MIX23: variants seen among roughly 807,000 people sequenced by gnomAD.
The protein encoded by MIX23 is mitochondrial matrix import factor 23.
In MIX23, 13 loss-of-function variants were observed where a neutral mutation model predicts 21.6. The ratio of observed to expected loss-of-function variants is 0.60; its 90% CI spans 0.39 to 0.96. The LOEUF (loss-of-function observed/expected upper bound fraction) is 0.96. MIX23 is among the 40% of genes least tolerant of loss of function. MIX23 has a pLI of 0.00. For synonymous variants in MIX23, 59 were observed against 58.0 expected, an observed-to-expected ratio of 1.02 and a Z score of -0.08; for missense variants, 144 against 171.2, an observed-to-expected ratio of 0.84 and a Z score of 0.89.
At chr3:122,372,927 T>C (rs922721271) in intron 1 of MIX23, 1 of 355,592 alleles carries the variant, frequency 2.8e-6, no homozygotes, top group African/African-American at 2.2e-5. Flanking sequence ...AATATTAATA[T>C]GTATTAAAAG....
At chr3:122,381,483 C>T (rs1477906484) in intron 1 of MIX23, among the ~76,000 whole-genome samples, 1 of 152,080 alleles carries the variant, frequency 6.6e-6, no homozygotes, top group Non-Finnish European at 1.5e-5. Flanking sequence ...CCCAGCATTT[C>T]GGAAGGCTGA....
At chr3:122,381,059 C>T (rs9863712) in intron 1 of MIX23, among the ~76,000 whole-genome samples, 19,108 of 152,214 alleles carry the variant, frequency 0.13, 1,387 homozygotes, top group East Asian at 0.32. Context: ...TTTCTATTTC[C>T]TTTAAATACA....
At chr3:122,364,605 C>T (rs912872498) in intron 3 of MIX23, among the ~76,000 whole-genome samples, 3 of 152,142 alleles carry the variant, frequency 2.0e-5, no homozygotes, top group Admixed American at 2.0e-4. Context: ...TGAAAATCTT[C>T]GAACATTAGA....
intron 1 of MIX23, among the ~76,000 whole-genome samples, chr3:122,375,019 T>C (rs753524228): frequency 3.3e-5 from 5 of 151,982 alleles, no homozygotes; most frequent in Non-Finnish European, 7.4e-5. Context: ...ATCCCAGCAA[T>C]TTGAGAGGCT....
Position 122,359,875 on chromosome 3 carries a change from A to C in MIX23, c.429T>G (p.Asn143Lys). 7.4e-7 allele frequency: 1 copy of C among 1,349,418 alleles called. No individual in the cohort carries two copies. The highest frequency in any genetic ancestry group is 1.0e-6 in the Non-Finnish European group (1 of 989,698). The allele number at this position is 1,349,418 out of a possible 1,614,324, so 83.6% of individuals were successfully genotyped here. A position where few individuals can be genotyped will look rare whatever the true frequency, so the allele number is the denominator to read the frequency against. ...RCRIHFKPPK[N>K]E ...AAAAAAAAAGAATCTCTCTTTATTC[A>C]TTCTTTGGAGGCTTGAAGTGAATTC... Residue 143 changes from asparagine (N) to lysine (K), a missense_variant, in exon 5 of 5, where the codon AAT becomes AAG. Transcript: ENST00000291458.
intron 1 of MIX23, among the ~76,000 whole-genome samples, chr3:122,380,385 C>T (rs2075521521): frequency 6.6e-6 from 1 of 152,152 alleles, no homozygotes; most frequent in Non-Finnish European, 1.5e-5. Context: ...TCTACAACTG[C>T]CAGAGTCCTC....
Position 122,359,746 on chromosome 3 carries a change from T to C in MIX23, c.*123A>G, listed in dbSNP as rs985799460. 22 of 999,086 alleles carry C rather than the reference T, an allele frequency of 2.2e-5. No homozygotes were observed. The African/African-American group carries it at 2.8e-4, about 13-fold the overall frequency. 61.9% of individuals were successfully genotyped at this position (999,086 alleles called of 1,614,324 possible). A position where few individuals can be genotyped will look rare whatever the true frequency, so the allele number is the denominator to read the frequency against. Reference sequence around the variant, plus strand: ...TGGGGCTGAAATCAACAAAAGGTCTTGGACTGTTGGCTCAGAAATCATCCT... The same window carrying C: ...TGGGGCTGAAATCAACAAAAGGTCTCGGACTGTTGGCTCAGAAATCATCCT... On this transcript the variant is annotated 3_prime_UTR_variant, in exon 5 of 5. Coordinates refer to ENST00000291458, the MANE Select transcript of MIX23 (RefSeq NM_001017928.4).
chr3:122,361,756 A>G (rs1210118405), intron 4 of MIX23, among the ~76,000 whole-genome samples: 1 of 152,210 alleles, frequency 6.6e-6, no homozygotes, highest in Non-Finnish European at 1.5e-5. Flanking sequence ...CTCAAGTGAC[A>G]GACACCTTAT....
rs527562300 is a variant in MIX23 at position 122,359,830 on chromosome 3, T to TA, written c.*38dup. Reference sequence around the variant, plus strand: ...AGCTCTTATGAGATGACCCAGTCCTTAAAAAAAAAAAAAAAAAAAAAAAAA... The same window carrying TA: ...AGCTCTTATGAGATGACCCAGTCCTTAAAAAAAAAAAAAAAAAAAAAAAAAA... On this transcript the variant is annotated 3_prime_UTR_variant, in exon 5 of 5. Coordinates refer to ENST00000291458, the MANE Select transcript of MIX23 (RefSeq NM_001017928.4). The TA allele has an allele frequency of 0.056, 55,273 of 995,200 alleles. 6,012 individuals carry two copies. The highest frequency in any genetic ancestry group is 0.17 in the African/African-American group (5,106 of 30,464). 61.6% of individuals were successfully genotyped at this position (995,200 alleles called of 1,614,324 possible). A position where few individuals can be genotyped will look rare whatever the true frequency, so the allele number is the denominator to read the frequency against.
intron 1 of MIX23, among the ~76,000 whole-genome samples, chr3:122,376,929 A>G (rs1053121357): frequency 1.4e-4 from 22 of 152,076 alleles, no homozygotes; most frequent in Admixed American, 1.2e-3. Flanking sequence ...TCACACCTGT[A>G]ATCCCAGCAC....
intron 1 of MIX23, among the ~76,000 whole-genome samples, chr3:122,377,718 T>C (rs1464412856): frequency 6.6e-6 from 1 of 152,140 alleles, no homozygotes; most frequent in Non-Finnish European, 1.5e-5. Context: ...CATGGTGGCA[T>C]GTGCCTACAG....
intron 1 of MIX23, among the ~76,000 whole-genome samples, chr3:122,373,636 C>T (rs1020160987): frequency 1.3e-5 from 2 of 152,148 alleles, no homozygotes; most frequent in Non-Finnish European, 2.9e-5. Context: ...ACTCATTTGG[C>T]CACTTTCTCA....
chr3:122,380,478 T>A lies in MIX23; in HGVS notation c.51+2696A>T, dbSNP rs371181747. Among the ~76,000 whole-genome samples, 13 of 152,348 alleles carry A rather than the reference T, an allele frequency of 8.5e-5. No homozygotes were observed. The South Asian group carries it at 2.3e-3, about 27-fold the overall frequency. On this transcript the variant is annotated intron_variant, in intron 1 of 4. Coordinates refer to ENST00000291458, the MANE Select transcript of MIX23 (RefSeq NM_001017928.4). ...CCATCATTGATGCTAGAAAATAACCTATTTAGTACCTAATTACAATGTGAT... is the reference window on the plus strand; with the variant it reads ...CCATCATTGATGCTAGAAAATAACCAATTTAGTACCTAATTACAATGTGAT...
intron 1 of MIX23, among the ~76,000 whole-genome samples, chr3:122,382,883 T>C (rs2075545717): frequency 6.6e-6 from 1 of 152,186 alleles, no homozygotes; most frequent in African/African-American, 2.4e-5. Flanking sequence ...ACAAGATTGT[T>C]ACAATCCTTA....
At chr3:122,372,597 G>GT (rs1317263973) in intron 1 of MIX23, among the ~76,000 whole-genome samples, 1 of 152,124 alleles carries the variant, frequency 6.6e-6, no homozygotes, top group Non-Finnish European at 1.5e-5. Flanking sequence ...TGAGGCAGGA[G>GT]TATCACTTGA....
rs1340681228 is a variant in MIX23, at chr3:122,371,724, A to G, written c.128T>C (p.Phe43Ser). 6.2e-7 allele frequency: 1 copy of G among 1,612,622 alleles called. No homozygotes were observed. Among genetic ancestry groups the G allele is most frequent in the Non-Finnish European group, 8.5e-7 (1 of 1,179,748 alleles). Residue 43 changes from phenylalanine to serine, a missense_variant, in exon 2 of 5, where the codon TTT becomes TCT. Physicochemically the swap from Phe to Ser is radical, Grantham distance 155. Coordinates refer to ENST00000291458, the MANE Select transcript of MIX23 (RefSeq NM_001017928.4). ...TTGGCTGGCATCAATTTTCCCTGCAAAGGAAGCTGTTGGAACCGTAGTGTT... is the reference window on the plus strand; with the variant it reads ...TTGGCTGGCATCAATTTTCCCTGCAGAGGAAGCTGTTGGAACCGTAGTGTT... Reference protein sequence around the residue: ...ELNTTVPTASFAGKIDASQTC... With the variant: ...ELNTTVPTASSAGKIDASQTC...
chr3:122,372,348 T>G (rs2075448121), intron 1 of MIX23, among the ~76,000 whole-genome samples: 1 of 152,068 alleles, frequency 6.6e-6, no homozygotes, highest in Non-Finnish European at 1.5e-5. Context: ...ATCAGTGTAC[T>G]TCTTTTCACT....
At chr3:122,379,731 A>G (rs1394331324) in intron 1 of MIX23, among the ~76,000 whole-genome samples, 1 of 152,238 alleles carries the variant, frequency 6.6e-6, no homozygotes, top group African/African-American at 2.4e-5. Flanking sequence ...GGTTCTCTGA[A>G]GGCTGCATCT....
At chr3:122,370,005 C>A (rs533985904) in intron 2 of MIX23, among the ~76,000 whole-genome samples, 1 of 152,318 alleles carries the variant, frequency 6.6e-6, no homozygotes, top group South Asian at 2.1e-4. Flanking sequence ...TCACCTCAGC[C>A]TCCCAAAGTG....
Sources: allele counts gnomAD v4.1 joint callset (sites outside exome capture counted in the v4.1 genomes callset), GRCh38; gene constraint gnomAD v4.1.1; transcripts MANE v1.5; gene names NCBI Gene and HGNC (gene_info 2026-07-23, HGNC 2026-07-21).